SUPT3H: variants seen among roughly 807,000 people sequenced by gnomAD.
SUPT3H encodes transcription initiation protein SPT3 homolog.
Under a neutral mutation model 44.3 loss-of-function variants are expected in SUPT3H, and 44 were observed. The ratio of observed to expected loss-of-function variants is 0.99; its 90% CI spans 0.78 to 1.28. The LOEUF (loss-of-function observed/expected upper bound fraction) is 1.28, where lower values mean the gene tolerates loss of function less well. SUPT3H is among the 50% of genes most tolerant of loss of function. The pLI, the probability that SUPT3H is intolerant of heterozygous loss-of-function variation, is 0.00. For synonymous variants in SUPT3H, 124 were observed against 125.6 expected, an observed-to-expected ratio of 0.99 and a Z score of 0.09; for missense variants, 380 against 387.1, an observed-to-expected ratio of 0.98 and a Z score of 0.15.
chr6:45,301,054 C>T (rs1271587922), intron 2 of SUPT3H, among the ~76,000 whole-genome samples: 1 of 152,144 alleles, frequency 6.6e-6, no homozygotes, highest in Non-Finnish European at 1.5e-5. Context: ...AGTCACCTAC[C>T]TACCCCCTGG....
intron 2 of SUPT3H, among the ~76,000 whole-genome samples, chr6:45,364,893 T>C (rs1255503547): frequency 1.3e-5 from 2 of 152,174 alleles, no homozygotes; most frequent in Non-Finnish European, 2.9e-5. Context: ...TAAACTAGAA[T>C]AGAAATAAAC....
At chr6:44,855,194 T>C (rs1773528160) in intron 10 of SUPT3H, among the ~76,000 whole-genome samples, 2 of 152,166 alleles carry the variant, frequency 1.3e-5, no homozygotes, top group African/African-American at 4.8e-5. Context: ...ACACTTAACT[T>C]TGCCCCTCTT....
intron 11 of SUPT3H, among the ~76,000 whole-genome samples, chr6:44,812,858 G>C (rs1581795505): frequency 6.6e-6 from 1 of 152,168 alleles, no homozygotes; most frequent in Non-Finnish European, 1.5e-5. Context: ...CTGACCAGAG[G>C]AAACTACAGA....
intron 11 of SUPT3H, among the ~76,000 whole-genome samples, chr6:44,812,543 T>A (rs1393481649): frequency 6.6e-6 from 1 of 152,226 alleles, no homozygotes; most frequent in Admixed American, 6.5e-5. Flanking sequence ...CTTCATGCCA[T>A]CTGCAACCTT....
chr6:45,259,406 G>A (rs1251287507), intron 2 of SUPT3H, among the ~76,000 whole-genome samples: 3 of 151,910 alleles, frequency 2.0e-5, no homozygotes, highest in African/African-American at 4.8e-5. Flanking sequence ...AAAATCAAAC[G>A]TATGTGCTTT....
chr6:45,258,342 A>G (rs1773756385), intron 2 of SUPT3H, among the ~76,000 whole-genome samples: 1 of 152,214 alleles, frequency 6.6e-6, no homozygotes. Context: ...AAATTTCAAC[A>G]TGAGTTTTAA....
intron 3 of SUPT3H, among the ~76,000 whole-genome samples, chr6:45,047,479 TG>T (rs1789580415): frequency 6.6e-6 from 1 of 152,068 alleles, no homozygotes; most frequent in Non-Finnish European, 1.5e-5. Flanking sequence ...AATTGGACTG[TG>T]GGAAAAGTGA....
intron 3 of SUPT3H, among the ~76,000 whole-genome samples, chr6:45,064,352 A>G (rs1792827087): frequency 6.8e-6 from 1 of 147,242 alleles, no homozygotes; most frequent in African/African-American, 2.5e-5. Context: ...CCGCTGCAAA[A>G]TCATGCCAAA....
At chr6:44,900,457 C>T (rs891896397) in intron 10 of SUPT3H, among the ~76,000 whole-genome samples, 18 of 152,344 alleles carry the variant, frequency 1.2e-4, no homozygotes, top group Middle Eastern at 3.4e-3. Context: ...AACCGCAAGG[C>T]GGCAGCAAGG....
rs1790352678 is a variant in SUPT3H, at chr6:45,051,878, C to T, written c.187-31246G>A. On this transcript the variant is annotated intron_variant, in intron 3 of 10. Transcript: ENST00000371459. ...ATTGAAGTTACACAGGAGTTGCAGT[C>T]ATTGTAAACAACAAGGTCTAGGGTA... 2.6e-5 allele frequency among the ~76,000 whole-genome samples: 4 copies of T among 152,056 alleles called. No homozygotes were observed. In the South Asian group the frequency reaches 8.3e-4, roughly 32 times the overall value.
At chr6:44,885,752 C>A (rs967715081) in intron 10 of SUPT3H, among the ~76,000 whole-genome samples, 1 of 152,174 alleles carries the variant, frequency 6.6e-6, no homozygotes, top group Non-Finnish European at 1.5e-5. Context: ...AGCAACGGAA[C>A]AAAGCCGGAC....
chr6:45,296,529 A>G (rs1186148509), intron 2 of SUPT3H, among the ~76,000 whole-genome samples: 2 of 151,982 alleles, frequency 1.3e-5, no homozygotes, highest in African/African-American at 4.8e-5. Context: ...ACCTGAGGCC[A>G]GGAGTTTGAG....
At chr6:45,122,426 G>A (rs2153579880) in intron 2 of SUPT3H, among the ~76,000 whole-genome samples, 1 of 152,200 alleles carries the variant, frequency 6.6e-6, no homozygotes, top group South Asian at 2.1e-4. Context: ...TAATTTCACA[G>A]TACCTAAGGA....
intron 2 of SUPT3H, among the ~76,000 whole-genome samples, chr6:45,348,101 C>G (rs752204099): frequency 6.6e-6 from 1 of 151,718 alleles, no homozygotes; most frequent in Non-Finnish European, 1.5e-5. Context: ...ATAGTTTTTA[C>G]GTTAAAAGCA....
At chr6:45,163,933 A>G (rs1809440402) in intron 2 of SUPT3H, among the ~76,000 whole-genome samples, 1 of 152,200 alleles carries the variant, frequency 6.6e-6, no homozygotes, top group African/African-American at 2.4e-5. Flanking sequence ...TATTATTTGC[A>G]ATCCCGTATT....
At chr6:45,297,005 C>T (rs1349739642) in intron 2 of SUPT3H, among the ~76,000 whole-genome samples, 2 of 147,944 alleles carry the variant, frequency 1.4e-5, no homozygotes, top group Non-Finnish European at 3.0e-5. Flanking sequence ...CAAAATCTCA[C>T]AAATCACCAC....
chr6:45,309,987 C>CCT (rs1783697940), intron 2 of SUPT3H, among the ~76,000 whole-genome samples: 1 of 152,118 alleles, frequency 6.6e-6, no homozygotes, highest in African/African-American at 2.4e-5. Flanking sequence ...GCGGACTGCT[C>CCT]CTGCAGTACC....
chr6:45,295,997 A>G (rs916399743), intron 2 of SUPT3H, among the ~76,000 whole-genome samples: 1 of 152,076 alleles, frequency 6.6e-6, no homozygotes, highest in African/African-American at 2.4e-5. Flanking sequence ...AGAGGAAAAA[A>G]AAGTCATAGG....
chr6:45,067,816 G>A (rs1442663273), intron 3 of SUPT3H, among the ~76,000 whole-genome samples: 1 of 144,194 alleles, frequency 6.9e-6, no homozygotes, highest in Non-Finnish European at 1.5e-5. Flanking sequence ...GGAAACAACA[G>A]GTGCTGGAGA....
Sources: allele counts gnomAD v4.1 joint callset (sites outside exome capture counted in the v4.1 genomes callset), GRCh38; gene constraint gnomAD v4.1.1; transcripts MANE v1.5; gene names NCBI Gene and HGNC (gene_info 2026-07-23, HGNC 2026-07-21).